NRG1: variants seen among roughly 807,000 people sequenced by gnomAD.
The protein encoded by NRG1 is pro-neuregulin-1, membrane-bound isoform.
In NRG1, 18 loss-of-function variants were observed where a neutral mutation model predicts 63.8. The ratio of observed to expected loss-of-function variants is 0.28; its 90% CI spans 0.19 to 0.42. The LOEUF (loss-of-function observed/expected upper bound fraction) is 0.42. NRG1 is among the 10% of genes least tolerant of loss of function. The pLI is 1.00. For synonymous variants in NRG1, 302 were observed against 301.3 expected (o/e 1.00, Z -0.02); for missense variants, 762 against 814.7 (o/e 0.94, Z 0.79).
chr8:32,084,259 G>A (rs144286075), intron 1 of NRG1, among the ~76,000 whole-genome samples: 2 of 152,154 alleles, frequency 1.3e-5, no homozygotes, highest in African/African-American at 4.8e-5. Flanking sequence ...GTTCATTTAT[G>A]GAAATGTTAT....
chr8:31,947,961 A>C (rs186494333), intron 1 of NRG1, among the ~76,000 whole-genome samples: 3,114 of 149,502 alleles, frequency 0.021, 132 homozygotes, highest in African/African-American at 0.073. Context: ...AAAAAAAAAA[A>C]AAAAAAAAAA....
intron 6 of NRG1, among the ~76,000 whole-genome samples, chr8:32,731,407 C>CT (rs10673810): frequency 0.23 from 33,736 of 146,406 alleles, 4,419 homozygotes; most frequent in East Asian, 0.37. Context: ...GAAATTACAC[C>CT]TTTTTTTTTT....
intron 1 of NRG1, among the ~76,000 whole-genome samples, chr8:32,259,019 ATAAGAGACC>A (rs1226622463): frequency 6.6e-6 from 1 of 152,232 alleles, no homozygotes; most frequent in Non-Finnish European, 1.5e-5. Context: ...CCCGAGATCA[ATAAGAGACC>A]TGCAAATACT....
At chr8:32,480,783 G>T (rs558133024) in intron 1 of NRG1, among the ~76,000 whole-genome samples, 2 of 152,010 alleles carry the variant, frequency 1.3e-5, no homozygotes, top group African/African-American at 4.8e-5. Context: ...TGAGGGGGAG[G>T]TGCCACGCTC....
At chr8:32,111,782 C>G (rs1469430328) in intron 1 of NRG1, among the ~76,000 whole-genome samples, 1 of 152,120 alleles carries the variant, frequency 6.6e-6, no homozygotes, top group African/African-American at 2.4e-5. Context: ...AGGAAAAGAA[C>G]AGGAAATGGA....
chr8:32,647,219 A>ACTACTGCC, intron 5 of NRG1: 1 of 985,178 alleles, frequency 1.0e-6, no homozygotes, highest in Non-Finnish European at 1.2e-6. Context: ...TGCTATTGTC[A>ACTACTGCC]CTACTGCCTC....
intron 7 of NRG1, among the ~76,000 whole-genome samples, chr8:32,750,854 C>T (rs3735779): frequency 6.6e-6 from 1 of 151,664 alleles, no homozygotes; most frequent in African/African-American, 2.4e-5. Flanking sequence ...CTAGGGAGCA[C>T]GTTGTGTACT....
intron 1 of NRG1, among the ~76,000 whole-genome samples, chr8:32,069,410 G>C (rs775013455): frequency 2.0e-5 from 3 of 152,180 alleles, no homozygotes; most frequent in Non-Finnish European, 4.4e-5. Flanking sequence ...ACAGTCTTAT[G>C]TTTGTTTTGG....
At chr8:32,523,567 A>T (rs1337263321) in intron 1 of NRG1, among the ~76,000 whole-genome samples, 2 of 152,198 alleles carry the variant, frequency 1.3e-5, no homozygotes, top group East Asian at 3.8e-4. Context: ...AGTAATTTTA[A>T]TAGTGAAAAG....
At chr8:32,632,848 A>G (rs867803254) in intron 5 of NRG1, among the ~76,000 whole-genome samples, 3 of 152,300 alleles carry the variant, frequency 2.0e-5, no homozygotes, top group African/African-American at 4.8e-5. Context: ...ACTCATTCTC[A>G]TCCTTGTTAG....
upstream of NRG1, among the ~76,000 whole-genome samples, chr8:32,546,719 T>C (rs1833108227): frequency 6.6e-6 from 1 of 152,234 alleles, no homozygotes; most frequent in Non-Finnish European, 1.5e-5. Flanking sequence ...TTTTAAACTA[T>C]AAATAATGAT....
intron 5 of NRG1, among the ~76,000 whole-genome samples, chr8:32,618,453 T>A (rs928025822): frequency 1.3e-5 from 2 of 152,210 alleles, no homozygotes; most frequent in East Asian, 3.8e-4. Context: ...ATCTCTCAGT[T>A]TATGTTTCTA....
At chr8:32,109,001 A>G (rs1831646694) in intron 1 of NRG1, among the ~76,000 whole-genome samples, 1 of 152,250 alleles carries the variant, frequency 6.6e-6, no homozygotes, top group Non-Finnish European at 1.5e-5. Flanking sequence ...CTGTTTAACC[A>G]CACAGTCACG....
intron 1 of NRG1, among the ~76,000 whole-genome samples, chr8:31,817,537 T>A (rs1223057741): frequency 6.6e-6 from 1 of 152,224 alleles, no homozygotes; most frequent in Admixed American, 6.5e-5. Context: ...GGGGGAAACA[T>A]GCTGTTAGAT....
intron 1 of NRG1, among the ~76,000 whole-genome samples, chr8:32,055,079 G>A (rs971303722): frequency 1.3e-5 from 2 of 151,262 alleles, no homozygotes; most frequent in South Asian, 2.1e-4. Flanking sequence ...TAGTAGAGAC[G>A]GGGTTTCAGT....
chr8:32,378,125 G>C (rs1157003442), intron 1 of NRG1, among the ~76,000 whole-genome samples: 3 of 152,124 alleles, frequency 2.0e-5, no homozygotes, highest in Non-Finnish European at 4.4e-5. Flanking sequence ...AATTGAGCTG[G>C]TTTGAGAGAT....
intron 5 of NRG1, among the ~76,000 whole-genome samples, chr8:32,625,656 G>A (rs183722446): frequency 6.6e-6 from 1 of 151,946 alleles, no homozygotes; most frequent in African/African-American, 2.4e-5. Flanking sequence ...ATATAGATAG[G>A]GATAGGCCAA....
chr8:32,331,196 C>A (rs1010408226), intron 1 of NRG1, among the ~76,000 whole-genome samples: 17 of 151,888 alleles, frequency 1.1e-4, no homozygotes, highest in African/African-American at 4.1e-4. Flanking sequence ...TTTTCTTCAA[C>A]AGAAAGCTTC....
At chr8:32,175,972 GA>G (rs1354214338) in intron 1 of NRG1, among the ~76,000 whole-genome samples, 3 of 152,042 alleles carry the variant, frequency 2.0e-5, no homozygotes, top group Non-Finnish European at 2.9e-5. Context: ...CACAGAATTG[GA>G]AAAAACTACT....
Sources: allele counts gnomAD v4.1 joint callset (sites outside exome capture counted in the v4.1 genomes callset), GRCh38; gene constraint gnomAD v4.1.1; transcripts MANE v1.5; gene names NCBI Gene and HGNC (gene_info 2026-07-23, HGNC 2026-07-21).